The following XKR9 variants were observed in gnomAD, a reference collection of about 807,000 sequenced individuals.
XKR9 encodes XK-related protein 9.
Under a neutral mutation model 32.0 loss-of-function variants are expected in XKR9, and 32 were observed. The ratio of observed to expected loss-of-function variants is 1.00; its 90% CI spans 0.76 to 1.34. The LOEUF (loss-of-function observed/expected upper bound fraction) is 1.34, where lower values mean the gene tolerates loss of function less well. XKR9 is among the 40% of genes most tolerant of loss of function. The probability of loss-of-function intolerance (pLI) is 0.00; values close to 1 mark genes in which losing one functional copy is unlikely to be tolerated. For missense variants in XKR9, 546 were observed against 429.7 expected, an observed-to-expected ratio of 1.27 and a Z score of -2.39; for synonymous variants, 168 against 143.4, an observed-to-expected ratio of 1.17 and a Z score of -1.22.
At chr8:70,811,872 A>G in the XKR9 span, among the ~76,000 whole-genome samples, 2 of 152,022 alleles carry the variant, frequency 1.3e-5, no homozygotes, top group East Asian at 3.9e-4. Context: ...ACAAGGAGGA[A>G]CTGGTACCAT....
chr8:71,055,847 A>T, the XKR9 span, among the ~76,000 whole-genome samples: 1 of 152,346 alleles, frequency 6.6e-6, no homozygotes, highest in Non-Finnish European at 1.5e-5. Flanking sequence ...AGTTCTTCTG[A>T]ATTATATTAA....
chr8:70,945,774 G>T, the XKR9 span, among the ~76,000 whole-genome samples: 1 of 152,116 alleles, frequency 6.6e-6, no homozygotes, highest in Non-Finnish European at 1.5e-5. Flanking sequence ...ATCTGATTTG[G>T]TGTTAACTAT....
At chr8:71,028,748 A>T in the XKR9 span, among the ~76,000 whole-genome samples, 4 of 152,184 alleles carry the variant, frequency 2.6e-5, no homozygotes, top group Non-Finnish European at 4.4e-5. Flanking sequence ...ATGATTTGTC[A>T]ATTTAAAATA....
At chr8:70,799,964 C>G in the XKR9 span, among the ~76,000 whole-genome samples, 1 of 152,092 alleles carries the variant, frequency 6.6e-6, no homozygotes, top group South Asian at 2.1e-4. Context: ...ATGTTTCCAG[C>G]TTTTCCCATT....
the XKR9 span, among the ~76,000 whole-genome samples, chr8:70,888,911 G>C: frequency 2.0e-5 from 3 of 151,796 alleles, no homozygotes; most frequent in African/African-American, 7.3e-5. Context: ...TGGTCTTTTT[G>C]CTCAGCATTG....
rs565279033 is a variant in XKR9 at position 70,729,513 on chromosome 8, C to T, written c.494-4283C>T. On this transcript the variant is annotated intron_variant, in intron 4 of 4. Transcript: ENST00000408926. The stretch of plus-strand genomic sequence containing the variant: ...TCTCTTTATTCTAATGTCATAAATT[C>T]CAAAGTTATAAGAAATTTGCATTCA... Among the ~76,000 whole-genome samples the T allele has an allele frequency of 2.0e-5, 3 of 152,010 alleles. No individual in the cohort carries two copies. The South Asian group carries it at 6.2e-4, about 32-fold the overall frequency.
At chr8:70,958,760 A>C in the XKR9 span, among the ~76,000 whole-genome samples, 3 of 152,120 alleles carry the variant, frequency 2.0e-5, no homozygotes, top group African/African-American at 7.2e-5. Flanking sequence ...TCATCATGGA[A>C]TCTTTGAGAT....
At chr8:70,809,664 T>C in the XKR9 span, among the ~76,000 whole-genome samples, 1 of 152,186 alleles carries the variant, frequency 6.6e-6, no homozygotes, top group Admixed American at 6.5e-5. Context: ...CCTCAGTAGC[T>C]GATTCGATCA....
the XKR9 span, among the ~76,000 whole-genome samples, chr8:70,811,583 A>G: frequency 3.3e-5 from 5 of 152,324 alleles, no homozygotes; most frequent in South Asian, 6.2e-4. Context: ...AATCAAATAG[A>G]CACAATAAAA....
In XKR9 at chr8:70,734,620, GAT is replaced by G; in HGVS notation, c.*199_*200del. ...TGGTTTTGAAGATCTTGAGTACTCAGATATCTTTCTACTGCCTGGTAGAGCTG... is the reference window on the plus strand; with the variant it reads ...TGGTTTTGAAGATCTTGAGTACTCAGATCTTTCTACTGCCTGGTAGAGCTG... On this transcript the variant is annotated 3_prime_UTR_variant, in exon 5 of 5. Transcript: ENST00000408926. The G allele has an allele frequency of 6.5e-6, 4 of 618,518 alleles. No individual in the cohort carries two copies. The highest frequency in any genetic ancestry group is 9.0e-6 in the Non-Finnish European group (4 of 445,358). The allele number at this position is 618,518 out of a possible 1,614,324, so 38.3% of individuals were successfully genotyped here. A position where few individuals can be genotyped will look rare whatever the true frequency, so the allele number is the denominator to read the frequency against.
intron 2 of XKR9, among the ~76,000 whole-genome samples, chr8:70,761,677 G>A (rs989365098): frequency 1.3e-5 from 2 of 149,884 alleles, no homozygotes; most frequent in Non-Finnish European, 3.0e-5. Context: ...TTTTTTTTCT[G>A]TGCAGAAGCT....
chr8:70,794,954 G>T (rs747711981), downstream of XKR9, among the ~76,000 whole-genome samples: 2 of 151,654 alleles, frequency 1.3e-5, no homozygotes, highest in East Asian at 1.9e-4. Context: ...AAGAATTAAC[G>T]TTAATTATTC....
At chr8:70,975,555 T>C in the XKR9 span, among the ~76,000 whole-genome samples, 2 of 152,298 alleles carry the variant, frequency 1.3e-5, no homozygotes, top group East Asian at 3.9e-4. Context: ...TGGTAGTAGA[T>C]GTGTGGTGTT....
chr8:70,866,073 T>G, the XKR9 span, among the ~76,000 whole-genome samples: 1 of 152,354 alleles, frequency 6.6e-6, no homozygotes, highest in East Asian at 1.9e-4. Context: ...GAAGCCCCCT[T>G]CATAATAATA....
chr8:70,778,401 T>C (rs891240213), intron 2 of XKR9, among the ~76,000 whole-genome samples: 3 of 152,204 alleles, frequency 2.0e-5, no homozygotes, highest in African/African-American at 4.8e-5. Context: ...GCTTTGTTCT[T>C]TTTGCTTAGG....
chr8:70,700,609 A>C (rs566224525), intron 3 of XKR9, among the ~76,000 whole-genome samples: 1 of 152,236 alleles, frequency 6.6e-6, no homozygotes, highest in Admixed American at 6.5e-5. Flanking sequence ...GTTGCCTCCC[A>C]GTTAGGCTGC....
the XKR9 span, among the ~76,000 whole-genome samples, chr8:70,982,065 T>C: frequency 1.4e-4 from 21 of 152,380 alleles, no homozygotes; most frequent in East Asian, 3.3e-3. Flanking sequence ...AAGCAAACTC[T>C]CTGAGGGTCC....
the XKR9 span, among the ~76,000 whole-genome samples, chr8:70,959,287 T>C: frequency 6.6e-6 from 1 of 152,222 alleles, no homozygotes; most frequent in Non-Finnish European, 1.5e-5. Flanking sequence ...AGGCATCTAC[T>C]TTTTTCTTTT....
At chr8:70,669,811 C>T (rs1303991652) in intron 1 of XKR9, among the ~76,000 whole-genome samples, 8 of 151,744 alleles carry the variant, frequency 5.3e-5, no homozygotes, top group African/African-American at 1.9e-4. Flanking sequence ...GGACTATAGG[C>T]GTCCGCCACC....
Sources: allele counts gnomAD v4.1 joint callset (sites outside exome capture counted in the v4.1 genomes callset), GRCh38; gene constraint gnomAD v4.1.1; transcripts MANE v1.5; gene names NCBI Gene and HGNC (gene_info 2026-07-23, HGNC 2026-07-21).